TNFRSF21: variants seen among roughly 807,000 people sequenced by gnomAD.
TNFRSF21 encodes the protein tumor necrosis factor receptor superfamily member 21.
Under a neutral mutation model 45.6 loss-of-function variants are expected in TNFRSF21, and 19 were observed. The observed-to-expected ratio is 0.42, with a 90% CI of 0.29 to 0.61. The LOEUF (loss-of-function observed/expected upper bound fraction) is 0.61. TNFRSF21 is among the 20% of genes least tolerant of loss of function. The probability of loss-of-function intolerance (pLI) is 0.23; values close to 1 mark genes in which losing one functional copy is unlikely to be tolerated. For synonymous variants in TNFRSF21, 314 were observed against 335.5 expected (o/e 0.94, Z 0.70); for missense variants, 737 against 851.5 (o/e 0.87, Z 1.67).
intron 3 of TNFRSF21, among the ~76,000 whole-genome samples, chr6:47,272,999 C>T (rs1034271926): frequency 1.3e-5 from 2 of 152,070 alleles, no homozygotes; most frequent in African/African-American, 4.8e-5. Context: ...CAATAACAGG[C>T]TCTGAAATTG....
intron 4 of TNFRSF21, among the ~76,000 whole-genome samples, chr6:47,236,044 G>A (rs576800630): frequency 2.0e-5 from 3 of 152,306 alleles, no homozygotes; most frequent in East Asian, 3.9e-4. Context: ...GGGGTGTGCA[G>A]TGGAGAGAAG....
chr6:47,269,224 C>G (rs1026395871), intron 3 of TNFRSF21, among the ~76,000 whole-genome samples: 1 of 150,826 alleles, frequency 6.6e-6, no homozygotes, highest in Non-Finnish European at 1.5e-5. Flanking sequence ...CACACAGACA[C>G]AAACACACAC....
chr6:47,245,338 G>T (rs1764807985), intron 4 of TNFRSF21, among the ~76,000 whole-genome samples: 2 of 152,054 alleles, frequency 1.3e-5, no homozygotes, highest in Admixed American at 1.3e-4. Flanking sequence ...GCCTGGTACA[G>T]GGCTCAATAC....
At chr6:47,264,040 TTCC>T (rs1445577316) in intron 3 of TNFRSF21, among the ~76,000 whole-genome samples, 2 of 152,208 alleles carry the variant, frequency 1.3e-5, no homozygotes, top group Non-Finnish European at 2.9e-5. Flanking sequence ...ATTCCAGAAA[TTCC>T]TCTTCTTCTG....
At chr6:47,245,458 T>TGTTTGTG (rs1764811193) in intron 4 of TNFRSF21, among the ~76,000 whole-genome samples, 9 of 107,804 alleles carry the variant, frequency 8.3e-5, no homozygotes, top group African/African-American at 2.7e-4. Flanking sequence ...GTGTGTGTGT[T>TGTTTGTG]TGTGTGTGTG....
rs985119234 is a variant in TNFRSF21 at position 47,309,317 on chromosome 6, C to G, written c.96+99G>C. 2.1e-6 allele frequency: 3 copies of G among 1,425,098 alleles called. No homozygotes were observed. The African/African-American group carries it at 4.5e-5, about 22-fold the overall frequency. The allele number at this position is 1,425,098 out of a possible 1,614,324, so 88.3% of individuals were successfully genotyped here. A position where few individuals can be genotyped will look rare whatever the true frequency, so the allele number is the denominator to read the frequency against. On this transcript the variant is annotated intron_variant, in intron 1 of 5. Transcript: ENST00000296861. ...CCGTAACCCAGTCGGCCGGGCCCCG[C>G]GCCTCCCTAAGCCCCGGCCCGGTGA...
Position 47,309,465 on chromosome 6 carries a change from C to A in TNFRSF21, c.47G>T (p.Arg16Leu). The A allele has an allele frequency of 6.5e-7, 1 of 1,529,862 alleles. No individual in the cohort carries two copies. The highest frequency in any genetic ancestry group is 8.7e-7 in the Non-Finnish European group (1 of 1,145,624). The allele number at this position is 1,529,862 out of a possible 1,614,324, so 94.8% of individuals were successfully genotyped here. A position where few individuals can be genotyped will look rare whatever the true frequency, so the allele number is the denominator to read the frequency against. Residue 16 changes from arginine to leucine, a missense_variant, in exon 1 of 6, where the codon CGC becomes CTC. Arg to Leu is a moderately radical substitution (Grantham distance 102). Transcript: ENST00000296861. ...SSSTALASCS[R>L]IARRATATMI... The stretch of plus-strand genomic sequence containing the variant: ...CGTGGCTGTGGCTCGGCGGGCGATG[C>A]GGCTGCAGGAGGCGAGGGCGGTGCT...
intron 3 of TNFRSF21, among the ~76,000 whole-genome samples, chr6:47,258,213 A>G (rs1391798759): frequency 6.6e-6 from 1 of 151,958 alleles, no homozygotes; most frequent in Non-Finnish European, 1.5e-5. Context: ...TACTAAAAAT[A>G]CAAAAAATTA....
intron 3 of TNFRSF21, among the ~76,000 whole-genome samples, chr6:47,259,378 T>C (rs1765037174): frequency 6.6e-6 from 1 of 151,964 alleles, no homozygotes; most frequent in African/African-American, 2.4e-5. Flanking sequence ...CATTGCCTTT[T>C]TTTTTTTTTG....
chr6:47,299,270 C>G (rs1030927536), intron 1 of TNFRSF21, among the ~76,000 whole-genome samples: 3 of 152,112 alleles, frequency 2.0e-5, no homozygotes, highest in Admixed American at 2.0e-4. Flanking sequence ...GCAGGAGGAT[C>G]ACTTGAGGTC....
chr6:47,286,749 A>T (rs934486183), intron 1 of TNFRSF21, among the ~76,000 whole-genome samples, 154 bp from the exon 2 acceptor site: 1 of 152,228 alleles, frequency 6.6e-6, no homozygotes, highest in South Asian at 2.1e-4. Context: ...ATGCTGCAAC[A>T]CAGTAGAACG....
rs1235511148 is a variant in TNFRSF21, at chr6:47,253,258, G to T, written c.1507C>A (p.Gln503Lys). ...ACACACAACAAGGGCTCCATTACCT[G>T]GGTGGTGTCTTCCATCAGCCCACGA... ...KIRGLMEDTTQLETDKLALPM... is the reference protein window; with the variant it reads ...KIRGLMEDTTKLETDKLALPM... The change falls in exon 4 of 6, where the codon CAG (glutamine) becomes AAG (lysine). Residue 503 changes from glutamine (Q) to lysine (K), a missense_variant and splice_region_variant. Physicochemically the swap from Gln to Lys is moderately conservative, Grantham distance 53 (BLOSUM62 1). Coordinates refer to ENST00000296861, the MANE Select transcript of TNFRSF21 (RefSeq NM_014452.5). The T allele has an allele frequency of 1.2e-5, 19 of 1,612,376 alleles. No individual in the cohort carries two copies. Among genetic ancestry groups the T allele is most frequent in the Non-Finnish European group, 1.6e-5 (19 of 1,178,936 alleles).
At chr6:47,237,428 G>T (rs999510453) in intron 4 of TNFRSF21, among the ~76,000 whole-genome samples, 2 of 152,112 alleles carry the variant, frequency 1.3e-5, no homozygotes, top group African/African-American at 4.8e-5. Context: ...GTGAGTCATC[G>T]GAATATGTGA....
At chr6:47,292,307 G>A (rs1582356162) in intron 1 of TNFRSF21, among the ~76,000 whole-genome samples, 1 of 151,972 alleles carries the variant, frequency 6.6e-6, no homozygotes, top group Admixed American at 6.6e-5. Context: ...TACAGAGTTG[G>A]ATAAACTAGA....
In TNFRSF21 at chr6:47,309,742, C is replaced by T. The variant is rs1762991495; in HGVS notation, c.-231G>A. ...GGCCGCCCAGGCGGGGAGAAGCCGC[C>T]GCGACTGCAGCCCGCGTCTCCGGGT... On this transcript the variant is annotated 5_prime_UTR_variant, in exon 1 of 6. Coordinates refer to ENST00000296861, the MANE Select transcript of TNFRSF21 (RefSeq NM_014452.5). 2.1e-6 allele frequency: 1 copy of T among 466,482 alleles called. No homozygotes were observed. The highest frequency in any genetic ancestry group is 2.0e-5 in the African/African-American group (1 of 49,184). 28.9% of individuals were successfully genotyped at this position (466,482 alleles called of 1,614,324 possible). A position where few individuals can be genotyped will look rare whatever the true frequency, so the allele number is the denominator to read the frequency against.
Position 47,260,589 on chromosome 6 carries a change from A to C in TNFRSF21, c.1244-7068T>G, listed in dbSNP as rs115762649. Among the ~76,000 whole-genome samples, 872 of 152,332 alleles carry C rather than the reference A, an allele frequency of 5.7e-3. 9 individuals are homozygous for C. The highest frequency in any genetic ancestry group is 0.02 in the African/African-American group (812 of 41,584). ...TTAATAAAAACCCAAATTGACCTTTATAATTAGAGAAAATGTGAAGGCTGT... is the reference window on the plus strand; with the variant it reads ...TTAATAAAAACCCAAATTGACCTTTCTAATTAGAGAAAATGTGAAGGCTGT... On this transcript the variant is annotated intron_variant, in intron 3 of 5. Transcript: ENST00000296861.
intron 3 of TNFRSF21, among the ~76,000 whole-genome samples, chr6:47,274,563 A>G (rs1272107410): frequency 6.6e-6 from 1 of 152,256 alleles, no homozygotes; most frequent in African/African-American, 2.4e-5. Flanking sequence ...AATACCATTC[A>G]GGACATAGGC....
At chr6:47,263,418 T>G (rs1261161899) in intron 3 of TNFRSF21, among the ~76,000 whole-genome samples, 1 of 152,084 alleles carries the variant, frequency 6.6e-6, no homozygotes, top group East Asian at 1.9e-4. Context: ...TTTAAAGTCG[T>G]GGGTCACCAA....
Position 47,287,650 on chromosome 6 carries a change from T to C in TNFRSF21, c.97-1055A>G, listed in dbSNP as rs959785244. ...TACACATATTTTGTGGCTCAAGTCA[T>C]GTATGCTACTCTTATAACTGACAAA... On this transcript the variant is annotated intron_variant, in intron 1 of 5. Coordinates refer to ENST00000296861, the MANE Select transcript of TNFRSF21 (RefSeq NM_014452.5). Among the ~76,000 whole-genome samples, 6 of 152,320 alleles carry C rather than the reference T, an allele frequency of 3.9e-5. 1 individual carries two copies. The East Asian group carries it at 1.2e-3, about 29-fold the overall frequency.
Sources: allele counts gnomAD v4.1 joint callset (sites outside exome capture counted in the v4.1 genomes callset), GRCh38; gene constraint gnomAD v4.1.1; transcripts MANE v1.5; gene names NCBI Gene and HGNC (gene_info 2026-07-23, HGNC 2026-07-21).